Variants in ABCC5 observed in about 807,000 individuals in gnomAD.
ABCC5 encodes the protein ATP binding cassette subfamily C member 5.
A neutral mutation model predicts 160.9 loss-of-function variants in ABCC5; 61 were observed. The ratio of observed to expected loss-of-function variants is 0.38; its 90% confidence interval spans 0.31 to 0.47. The LOEUF (loss-of-function observed/expected upper bound fraction) is 0.47, where lower values mean the gene tolerates loss of function less well. ABCC5 is among the 20% of genes least tolerant of loss of function. The probability of loss-of-function intolerance (pLI) is 0.99; values close to 1 mark genes in which losing one functional copy is unlikely to be tolerated. For missense variants in ABCC5, 1,308 were observed against 1,813.3 expected (o/e 0.72, Z 5.06); for synonymous variants, 666 against 700.6 (o/e 0.95, Z 0.78).
intron 18 of ABCC5, 110 bp from the exon 19 acceptor site, chr3:183,952,113 C>A: frequency 9.4e-7 from 1 of 1,068,722 alleles, no homozygotes; most frequent in Non-Finnish European, 1.3e-6. Context: ...TAATGACCCA[C>A]CCTGGGACCT....
chr3:184,009,266 A>G (rs1721493606), intron 2 of ABCC5, among the ~76,000 whole-genome samples: 1 of 152,078 alleles, frequency 6.6e-6, no homozygotes, highest in South Asian at 2.1e-4. Context: ...ATCTTTTGTT[A>G]CTTAGAGGCT....
At chr3:183,985,787 AG>A (rs1420622510) in intron 5 of ABCC5, 2 of 241,580 alleles carry the variant, frequency 8.3e-6, no homozygotes, top group Non-Finnish European at 1.7e-5. Flanking sequence ...ATATAGCGGC[AG>A]TCCCCACCGG....
chr3:183,965,389 T>C lies in ABCC5; in HGVS notation c.1946A>G (p.Tyr649Cys), dbSNP rs1218686228. 5 of 1,614,116 alleles carry C rather than the reference T, an allele frequency of 3.1e-6. No homozygotes were observed. The highest frequency in any genetic ancestry group is 4.2e-6 in the Non-Finnish European group (5 of 1,180,040). The change falls in exon 13 of 30, where the codon TAT becomes TGT. Residue 649 changes from tyrosine to cysteine, a missense_variant. Transcript: ENST00000334444. ...LRDNILFGKE[Y>C]DEERYNSVLN... ...AAACATTCCTTGCCTTTCTTCATCA[T>C]ATTCCTTCCCAAACAGGATGTTGTC... is the stretch of plus-strand genomic sequence containing the variant.
rs117274947 is a variant in ABCC5 at position 183,930,232 on chromosome 3, T to A, written c.3855-1407A>T. Among the ~76,000 whole-genome samples the A allele has an allele frequency of 1.9e-4, 29 of 152,362 alleles. No homozygotes were observed. In the East Asian group the frequency reaches 4.8e-3, roughly 25 times the overall value. On this transcript the variant is annotated intron_variant, in intron 26 of 29. Transcript: ENST00000334444. ...GCATGCAAATACAATCACGTCATTA[T>A]CACAGAACTCTAGTGAGAGGACAGC...
chr3:183,947,296 A>T (rs1173596946), intron 23 of ABCC5, 28 bp downstream of exon 23: 2 of 1,554,564 alleles, frequency 1.3e-6, no homozygotes, highest in Non-Finnish European at 1.7e-6. Flanking sequence ...AAACAAGCAA[A>T]GATGACGCTC....
intron 2 of ABCC5, among the ~76,000 whole-genome samples, chr3:183,990,651 T>C (rs10937158): frequency 0.62 from 93,734 of 151,930 alleles, 29,642 homozygotes; most frequent in East Asian, 0.85. Context: ...CGTGAGTTCT[T>C]ATCCTGGCTG....
Position 183,949,724 on chromosome 3 carries a change from T to G in ABCC5, c.3227+29A>C, listed in dbSNP as rs1252306548. The G allele has an allele frequency of 1.9e-6, 3 of 1,610,844 alleles. No homozygotes were observed. Among genetic ancestry groups the G allele is most frequent in the Non-Finnish European group, 2.5e-6 (3 of 1,178,490 alleles). On this transcript the variant is annotated intron_variant, in intron 22 of 29. Transcript: ENST00000334444. This position sits in a 1 kb window ranked among gnomAD's most constrained non-coding sequence, Gnocchi z 4.2. ...AAACGCTGGGATGCTGACTCCCCTT[T>G]GAGGCCTCTAGCCCCCATCAGGACA...
rs1711826174 is a variant in ABCC5 at position 183,919,949 on chromosome 3, A to C, written c.*1351T>G. On this transcript the variant is annotated 3_prime_UTR_variant, in exon 30 of 30. Coordinates refer to ENST00000334444, the MANE Select transcript of ABCC5 (RefSeq NM_005688.4). ...ACACGAAGAGTTTTACAAAATCCAAAATAATTTTATTCACATTTTCAGATT... is the reference window on the plus strand; with the variant it reads ...ACACGAAGAGTTTTACAAAATCCAACATAATTTTATTCACATTTTCAGATT... The C allele has an allele frequency of 6.6e-6, 1 of 152,614 alleles. No individual in the cohort carries two copies. Among genetic ancestry groups the C allele is most frequent in the Non-Finnish European group, 1.5e-5 (1 of 68,044 alleles). The allele number at this position is 152,614 out of a possible 1,614,324, so 9.5% of individuals were successfully genotyped here.
intron 18 of ABCC5, 65 bp downstream of exon 18, chr3:183,953,021 C>A: frequency 6.8e-7 from 1 of 1,466,928 alleles, no homozygotes; most frequent in Non-Finnish European, 9.2e-7. Context: ...TAAGAATAGC[C>A]AGGGAATAGG....
intron 5 of ABCC5, chr3:183,986,947 A>G (rs764434159): frequency 2.6e-5 from 4 of 152,220 alleles, no homozygotes; most frequent in Non-Finnish European, 5.9e-5. Flanking sequence ...TTAAAAAAAT[A>G]AAAACAAAAA....
At position 183,927,339 on chromosome 3, in the gene ABCC5, G is replaced by C. The variant is rs369052400; in HGVS notation, c.4038C>G (p.Arg1346=). The C allele has an allele frequency of 2.5e-6, 4 of 1,612,710 alleles. No homozygotes were observed. The highest frequency in any genetic ancestry group is 3.4e-6 in the Non-Finnish European group (4 of 1,179,428). ...QLLCIARALL[R]HCKILILDEA... ...CCCCAAACTGCCTTACCTTACAGTG[G>C]CGGAGCAGGGCTCTAGCTATGCACA... Residue 1346 remains arginine (R), a synonymous_variant, in exon 28 of 30, where the codon CGC becomes CGG. Coordinates refer to ENST00000334444, the MANE Select transcript of ABCC5 (RefSeq NM_005688.4).
Position 183,921,507 on chromosome 3 carries a change from G to T in ABCC5, c.4213-106C>A. The T allele has an allele frequency of 8.9e-6, 9 of 1,011,928 alleles. No homozygotes were observed. Among genetic ancestry groups the T allele is most frequent in the Non-Finnish European group, 1.2e-5 (9 of 722,066 alleles). 62.7% of individuals were successfully genotyped at this position (1,011,928 alleles called of 1,614,324 possible). A position where few individuals can be genotyped will look rare whatever the true frequency, so the allele number is the denominator to read the frequency against. ...CAGTGCCCTCTGAGGGTAGAATCTG[G>T]GGACAATTCAACTAGCCCTGCGTGC... On this transcript the variant is annotated intron_variant, in intron 29 of 29. Transcript: ENST00000334444. This position sits in a 1 kb window ranked among gnomAD's most constrained non-coding sequence, Gnocchi z 4.1.
At position 183,955,929 on chromosome 3, in the gene ABCC5, T is replaced by C. The variant is rs1202159932; in HGVS notation, c.2483-2659A>G. 3.5e-5 allele frequency among the ~76,000 whole-genome samples: 5 copies of C among 142,992 alleles called. 1 individual carries two copies. Among genetic ancestry groups the C allele is most frequent in the Non-Finnish European group, 6.1e-5 (4 of 65,214 alleles). 93.8% of individuals were successfully genotyped at this position (142,992 alleles called of 152,430 possible). ...ATCACATCAGTTATATGCAGCTCCGTCTGTTTATCACATCGGTTACAGGCA... is the reference window on the plus strand; with the variant it reads ...ATCACATCAGTTATATGCAGCTCCGCCTGTTTATCACATCGGTTACAGGCA... On this transcript the variant is annotated intron_variant, in intron 17 of 29. Coordinates refer to ENST00000334444, the MANE Select transcript of ABCC5 (RefSeq NM_005688.4).
At position 183,963,846 on chromosome 3, in the gene ABCC5, C is replaced by T. The variant is rs1682897221; in HGVS notation, c.2032-258G>A. ...AATCCTACATCTGGTCTTGCCAGTC[C>T]ACCCGGATGCTCCCCCTCCAATCCA... On this transcript the variant is annotated intron_variant, in intron 14 of 29. Coordinates refer to ENST00000334444, the MANE Select transcript of ABCC5 (RefSeq NM_005688.4). The surrounding 1 kb of genome is among the most constrained non-coding windows in gnomAD (Gnocchi z 4.6). Among the ~76,000 whole-genome samples, 1 of 152,196 alleles carries T rather than the reference C, an allele frequency of 6.6e-6. No homozygotes were observed. The highest frequency in any genetic ancestry group is 6.5e-5 in the Admixed American group (1 of 15,274).
intron 26 of ABCC5, among the ~76,000 whole-genome samples, chr3:183,934,378 G>T (rs1250839030): frequency 6.6e-6 from 1 of 152,198 alleles, no homozygotes; most frequent in Non-Finnish European, 1.5e-5. Flanking sequence ...GGGGATAAAA[G>T]ACAAGTCCAG....
intron 2 of ABCC5, among the ~76,000 whole-genome samples, chr3:184,000,334 C>T (rs930684123): frequency 6.6e-6 from 1 of 152,000 alleles, no homozygotes; most frequent in African/African-American, 2.4e-5. Flanking sequence ...CAGAGTGAGA[C>T]CCTGTCTCTA....
At chr3:183,964,934 A>G (rs961464082) in intron 14 of ABCC5, among the ~76,000 whole-genome samples, 2 of 152,244 alleles carry the variant, frequency 1.3e-5, no homozygotes, top group Admixed American at 1.3e-4. Context: ...AGAATAAAAA[A>G]CATCAACTCT....
intron 8 of ABCC5, among the ~76,000 whole-genome samples, chr3:183,980,726 T>C (rs1378404549): frequency 6.6e-5 from 10 of 151,926 alleles, no homozygotes; most frequent in Non-Finnish European, 1.0e-4. Flanking sequence ...TTTTTTTTTT[T>C]TTTTTTGAGA....
intron 2 of ABCC5, among the ~76,000 whole-genome samples, chr3:183,999,503 G>A (rs1302111770): frequency 6.6e-6 from 1 of 152,180 alleles, no homozygotes; most frequent in Non-Finnish European, 1.5e-5. Flanking sequence ...GATTGGGCCA[G>A]GTGCACTGGC....
Sources: allele counts gnomAD v4.1 joint callset (sites outside exome capture counted in the v4.1 genomes callset), GRCh38; gene constraint gnomAD v4.1.1; non-coding constraint Gnocchi (gnomAD v3.1); transcripts MANE v1.5; gene names NCBI Gene and HGNC (gene_info 2026-07-23, HGNC 2026-07-21).